BOC: variants seen among roughly 807,000 people sequenced by gnomAD.
BOC encodes the protein brother of CDO.
A neutral mutation model predicts 112.0 loss-of-function variants in BOC; 76 were observed. The ratio of observed to expected loss-of-function variants is 0.68; its 90% confidence interval spans 0.56 to 0.82. The LOEUF is 0.82. Ranked by LOEUF, BOC falls within the 40% of genes least tolerant of loss-of-function variation. The probability of loss-of-function intolerance (pLI) is 0.00; values close to 1 mark genes in which losing one functional copy is unlikely to be tolerated. For synonymous variants in BOC, 580 were observed against 599.8 expected (o/e 0.97, Z 0.48); for missense variants, 1,309 against 1,511.7 (o/e 0.87, Z 2.22).
intron 2 of BOC, among the ~76,000 whole-genome samples, chr3:113,233,753 G>C (rs1943032990): frequency 6.6e-6 from 1 of 152,128 alleles, no homozygotes. Context: ...GAATGGAATT[G>C]AGCTTCGTCA....
intron 15 of BOC, 106 bp from the exon 16 acceptor site, chr3:113,283,305 G>C: frequency 8.7e-7 from 1 of 1,151,274 alleles, no homozygotes; most frequent in Non-Finnish European, 1.2e-6. Context: ...TAGTGAGTCT[G>C]ACCCCATTTC....
intron 2 of BOC, among the ~76,000 whole-genome samples, chr3:113,245,357 A>G (rs1381500192): frequency 6.6e-6 from 1 of 152,052 alleles, no homozygotes; most frequent in Non-Finnish European, 1.5e-5. Context: ...GGCTGAAGTG[A>G]TCCTCCTACC....
At chr3:113,259,506 A>T (rs1317154531) in intron 4 of BOC, among the ~76,000 whole-genome samples, 1 of 152,218 alleles carries the variant, frequency 6.6e-6, no homozygotes, top group African/African-American at 2.4e-5. Context: ...AAGAGAGCAA[A>T]TGAGTCCTTG....
rs774403634 is a variant in BOC, at chr3:113,272,444, C to T, written c.702C>T (p.Pro234=). ...CTGAGGCTGCCCGCATCATCTACCC[C>T]CCAGAGGCCCAAACCATCATCGTCA... The part of the protein sequence containing the change: ...STAEAARIIY[P]PEAQTIIVTK... The change falls in exon 7 of 20, where the codon CCC becomes CCT. Residue 234 remains proline (P), a synonymous_variant. Transcript: ENST00000682979. 1.9e-6 allele frequency: 3 copies of T among 1,614,114 alleles called. No individual in the cohort carries two copies. The highest frequency in any genetic ancestry group is 1.6e-4 in the Middle Eastern group (1 of 6,062).
At chr3:113,279,105 C>A in intron 11 of BOC, 144 bp from the exon 12 acceptor site, 1 of 834,842 alleles carries the variant, frequency 1.2e-6, no homozygotes, top group East Asian at 2.7e-5. Context: ...CTGATGTGAA[C>A]ACCAGTGGGT....
chr3:113,236,266 G>C (rs112776005), intron 2 of BOC, among the ~76,000 whole-genome samples: 20,125 of 52,558 alleles, frequency 0.38, 3,950 homozygotes, highest in East Asian at 0.66. Context: ...GTGTGTGTGT[G>C]TATATATACC....
At chr3:113,268,028 G>T (rs1322212607) in intron 4 of BOC, among the ~76,000 whole-genome samples, 1 of 152,100 alleles carries the variant, frequency 6.6e-6, no homozygotes, top group Non-Finnish European at 1.5e-5. Context: ...TGTAACAGAT[G>T]GTCTGAGCCA....
At chr3:113,229,282 C>T (rs550924110) in intron 2 of BOC, among the ~76,000 whole-genome samples, 9 of 152,340 alleles carry the variant, frequency 5.9e-5, no homozygotes, top group East Asian at 5.8e-4. Context: ...GGATGGCCAA[C>T]GGCTGTTCTA....
chr3:113,229,497 A>G (rs1339008393), intron 2 of BOC, among the ~76,000 whole-genome samples: 2 of 152,232 alleles, frequency 1.3e-5, no homozygotes, highest in Non-Finnish European at 2.9e-5. Context: ...ACTATGGCTC[A>G]GGGACCTGTT....
chr3:113,212,885 T>C (rs531663282), intron 1 of BOC, among the ~76,000 whole-genome samples: 24 of 152,242 alleles, frequency 1.6e-4, no homozygotes, highest in African/African-American at 5.5e-4. Context: ...AGAATTTTCA[T>C]GGGGGTGTTG....
chr3:113,233,029 C>G (rs1037741473), intron 2 of BOC, among the ~76,000 whole-genome samples: 4 of 152,154 alleles, frequency 2.6e-5, no homozygotes, highest in Admixed American at 2.6e-4. Context: ...AGAATGGTAG[C>G]TTCTCACCTC....
At chr3:113,214,647 C>G (rs1486124448) in intron 1 of BOC, among the ~76,000 whole-genome samples, 4 of 152,216 alleles carry the variant, frequency 2.6e-5, no homozygotes, top group Non-Finnish European at 5.9e-5. Flanking sequence ...TTCCTCCAAA[C>G]TCTAAGCCCT....
At chr3:113,212,148 G>A (rs905757390) in intron 1 of BOC, 132 bp downstream of exon 1, 21 of 151,018 alleles carry the variant, frequency 1.4e-4, no homozygotes, top group African/African-American at 4.8e-4. Context: ...GGGACGTGCC[G>A]GCGGCGGGAG....
chr3:113,270,965 C>T (rs763525230), intron 6 of BOC, 21 bp downstream of exon 6: 1 of 1,613,946 alleles, frequency 6.2e-7, no homozygotes. Context: ...GGCCCACCTG[C>T]TGGGGGATGG....
At chr3:113,250,429 G>T in intron 3 of BOC, 126 bp from the exon 4 acceptor site, 1 of 1,080,288 alleles carries the variant, frequency 9.3e-7, no homozygotes. Context: ...GAGCAGTAGA[G>T]TCGGAGAAAG....
intron 2 of BOC, among the ~76,000 whole-genome samples, chr3:113,239,245 A>AG: frequency 6.6e-6 from 1 of 152,276 alleles, no homozygotes; most frequent in African/African-American, 2.4e-5. Flanking sequence ...AAAATTACAT[A>AG]GGGGGTGGAA....
At chr3:113,224,299 G>A (rs1414326829) in intron 2 of BOC, among the ~76,000 whole-genome samples, 1 of 152,224 alleles carries the variant, frequency 6.6e-6, no homozygotes, top group Non-Finnish European at 1.5e-5. Flanking sequence ...TGAGGAGGAA[G>A]ACCAGTAAGG....
intron 4 of BOC, among the ~76,000 whole-genome samples, chr3:113,257,120 A>T (rs1474151351): frequency 6.6e-6 from 1 of 152,220 alleles, no homozygotes; most frequent in Non-Finnish European, 1.5e-5. Flanking sequence ...TTCTTTTGGA[A>T]TATGTCTCTT....
chr3:113,283,137 G>T (rs1317183032), intron 15 of BOC, among the ~76,000 whole-genome samples: 1 of 152,140 alleles, frequency 6.6e-6, no homozygotes, highest in East Asian at 1.9e-4. Flanking sequence ...GCTTCTGCCG[G>T]AAGGACCCAG....
Sources: gnomAD v4.1 joint callset for allele counts (sites outside exome capture counted in the v4.1 genomes callset) on GRCh38, gnomAD v4.1.1 for gene constraint, MANE v1.5 for transcripts, NCBI Gene and HGNC (gene_info 2026-07-23, HGNC 2026-07-21) for gene names.